The following COL25A1 variants were observed in gnomAD, a reference collection of about 807,000 sequenced individuals.
COL25A1 encodes collagen type XXV alpha 1 chain, also known as collagen alpha-1(XXV) chain.
COL25A1 carries 103 observed loss-of-function variants against 128.4 expected under a neutral mutation model. That is an observed-to-expected ratio of 0.80 (90% CI 0.68 to 0.94). The LOEUF is 0.94. Among genes scored for constraint, COL25A1 ranks in the 40% least tolerant of loss-of-function variants. COL25A1 has a pLI of 0.00. For synonymous variants in COL25A1, 279 were observed against 277.2 expected (o/e 1.01, Z -0.06); for missense variants, 745 against 840.0 (o/e 0.89, Z 1.40).
chr4:109,265,518 C>CGTGTGTGTGTGTGTGT (rs57643656), intron 3 of COL25A1, among the ~76,000 whole-genome samples: 3 of 129,604 alleles, frequency 2.3e-5, no homozygotes, highest in African/African-American at 5.6e-5. Flanking sequence ...AATAACAGTA[C>CGTGTGTGTGTGTGTGT]GTGTGTGTGT....
Position 109,301,842 on chromosome 4 carries a change from G to C in COL25A1, c.178C>G (p.Gln60Glu). Residue 60 changes from glutamine (Q) to glutamate (E), a missense_variant, in exon 2 of 38, where the codon CAG becomes GAG. Around this residue, in one of 3 missense-constraint regions of COL25A1, gnomAD observed 319 missense variants for 324.9 expected, o/e 0.98. Transcript: ENST00000399132. ...GATTCGAGAGCGGCGATCCTCGCCT[G>C]GAGGTCGTTGGTTTTCACACCCAGG... is the stretch of plus-strand genomic sequence containing the variant. ...LYLGVKTNDL[Q>E]ARIAALESAK... 1 of 1,614,242 alleles carries C rather than the reference G, an allele frequency of 6.2e-7. No homozygotes were observed. The highest frequency in any genetic ancestry group is 8.5e-7 in the Non-Finnish European group (1 of 1,180,054).
chr4:109,072,596 C>G (rs1214454888), intron 3 of COL25A1, among the ~76,000 whole-genome samples: 1 of 152,184 alleles, frequency 6.6e-6, no homozygotes, highest in Non-Finnish European at 1.5e-5. Context: ...TGGTGGCTAA[C>G]AGTGATTTCA....
chr4:109,149,803 C>T (rs533750754), intron 3 of COL25A1, among the ~76,000 whole-genome samples: 2 of 152,148 alleles, frequency 1.3e-5, no homozygotes, highest in South Asian at 4.2e-4. Flanking sequence ...TGATGTGAAG[C>T]ATAAATAGCT....
At chr4:108,940,036 G>A (rs536746962) in intron 10 of COL25A1, among the ~76,000 whole-genome samples, 120 of 152,222 alleles carry the variant, frequency 7.9e-4, no homozygotes, top group Non-Finnish European at 1.1e-3. Context: ...TTATTTATAA[G>A]GGATTAAATA....
At chr4:109,139,704 G>T (rs1348379706) in intron 3 of COL25A1, among the ~76,000 whole-genome samples, 1 of 151,838 alleles carries the variant, frequency 6.6e-6, no homozygotes, top group Non-Finnish European at 1.5e-5. Context: ...TTAAGTTTTA[G>T]GGTACATGTG....
At chr4:109,091,017 A>G (rs1252032723) in intron 3 of COL25A1, among the ~76,000 whole-genome samples, 1 of 152,184 alleles carries the variant, frequency 6.6e-6, no homozygotes, top group Non-Finnish European at 1.5e-5. Flanking sequence ...TTTCTCCCCA[A>G]CTGTGAAGGG....
intron 3 of COL25A1, among the ~76,000 whole-genome samples, chr4:109,083,448 A>AATTT (rs377354398): frequency 7.8e-5 from 6 of 77,056 alleles, no homozygotes; most frequent in African/African-American, 2.9e-4. Flanking sequence ...CACTAAATAA[A>AATTT]TTTTTTTTTT....
rs1365358790 is a variant in COL25A1 at position 108,852,929 on chromosome 4, T to C, written c.1321-4A>G. ...TGACAGTTAAGGTGGTAATCCTCTG[T>C]TGGGAAAATGTGTTGACAAAGACAG... On this transcript the variant is annotated splice_region_variant and splice_polypyrimidine_tract_variant and intron_variant, in intron 24 of 37. Transcript: ENST00000399132. 2 of 1,609,870 alleles carry C rather than the reference T, an allele frequency of 1.2e-6. No individual in the cohort carries two copies. Among genetic ancestry groups the C allele is most frequent in the Non-Finnish European group, 1.7e-6 (2 of 1,177,666 alleles).
At chr4:109,187,077 T>A (rs1254205426) in intron 3 of COL25A1, among the ~76,000 whole-genome samples, 2 of 152,326 alleles carry the variant, frequency 1.3e-5, no homozygotes, top group Admixed American at 1.3e-4. Context: ...ATGATTTAAA[T>A]TATTTTCAAA....
At chr4:108,970,682 T>C (rs1751819369) in intron 8 of COL25A1, among the ~76,000 whole-genome samples, 1 of 152,172 alleles carries the variant, frequency 6.6e-6, no homozygotes, top group Non-Finnish European at 1.5e-5. Flanking sequence ...TGAAAGTTTG[T>C]ATCCTTTGAC....
At chr4:108,841,145 C>T (rs563982050) in intron 31 of COL25A1, among the ~76,000 whole-genome samples, 4 of 152,328 alleles carry the variant, frequency 2.6e-5, no homozygotes, top group African/African-American at 9.6e-5. Context: ...GCTTTTATCC[C>T]TTGTTCTCTT....
intron 3 of COL25A1, among the ~76,000 whole-genome samples, chr4:109,273,167 T>G (rs950093390): frequency 1.3e-5 from 2 of 152,170 alleles, no homozygotes; most frequent in East Asian, 3.8e-4. Flanking sequence ...TAATCCACTA[T>G]AGCCATAGGC....
At chr4:108,990,557 CA>C (rs1177312454) in intron 6 of COL25A1, among the ~76,000 whole-genome samples, 1 of 151,596 alleles carries the variant, frequency 6.6e-6, no homozygotes, top group Non-Finnish European at 1.5e-5. Context: ...TTATTTATCC[CA>C]AAAAATCTAT....
intron 3 of COL25A1, among the ~76,000 whole-genome samples, chr4:109,224,313 A>G (rs1243510205): frequency 6.6e-6 from 1 of 152,186 alleles, no homozygotes; most frequent in African/African-American, 2.4e-5. Context: ...GCCCACTAAT[A>G]TATGGGTAGA....
intron 3 of COL25A1, among the ~76,000 whole-genome samples, chr4:109,092,972 GA>G (rs1009578932): frequency 5.4e-5 from 8 of 146,986 alleles, no homozygotes; most frequent in Non-Finnish European, 7.5e-5. Flanking sequence ...ACTATTGCCA[GA>G]AAAAAAAAAT....
intron 19 of COL25A1, among the ~76,000 whole-genome samples, chr4:108,879,246 T>C (rs1739815889): frequency 1.3e-5 from 2 of 152,334 alleles, no homozygotes; most frequent in Middle Eastern, 3.4e-3. Context: ...AAGTTCTTGA[T>C]CTTAATGTCA....
chr4:108,833,974 A>G (rs1733470381), intron 31 of COL25A1, among the ~76,000 whole-genome samples: 1 of 152,212 alleles, frequency 6.6e-6, no homozygotes, highest in Non-Finnish European at 1.5e-5. Flanking sequence ...ATAATTTCAC[A>G]TTATTTTAAT....
chr4:109,097,925 G>A (rs745694440), intron 3 of COL25A1, among the ~76,000 whole-genome samples: 53 of 152,034 alleles, frequency 3.5e-4, no homozygotes, highest in Non-Finnish European at 5.1e-4. Flanking sequence ...GCCTCCCAAA[G>A]TGCTGGGATT....
intron 3 of COL25A1, among the ~76,000 whole-genome samples, chr4:109,178,798 G>A: frequency 7.7e-6 from 1 of 129,860 alleles, no homozygotes; most frequent in East Asian, 2.3e-4. Flanking sequence ...TTGCGCCACT[G>A]CACTCCAGCC....
Sources: allele counts gnomAD v4.1 joint callset (sites outside exome capture counted in the v4.1 genomes callset), GRCh38; gene constraint gnomAD v4.1.1; regional missense constraint gnomAD v4.1.1; transcripts MANE v1.5; gene names NCBI Gene and HGNC (gene_info 2026-07-23, HGNC 2026-07-21).